Variants in CDH18 observed in about 807,000 individuals in gnomAD.
CDH18 encodes the protein cadherin-18.
Under a neutral mutation model 67.9 loss-of-function variants are expected in CDH18, and 31 were observed. That is an observed-to-expected ratio of 0.46 (90% CI 0.34 to 0.62). The LOEUF is 0.62. Ranked by LOEUF, CDH18 falls within the 20% of genes least tolerant of loss-of-function variation. CDH18 has a pLI of 0.01. For synonymous variants in CDH18, 362 were observed against 347.2 expected, an observed-to-expected ratio of 1.04 and a Z score of -0.48; for missense variants, 890 against 975.5, an observed-to-expected ratio of 0.91 and a Z score of 1.17.
intron 1 of CDH18, among the ~76,000 whole-genome samples, chr5:20,481,216 A>AAAG (rs1382198126): frequency 3.3e-5 from 5 of 152,064 alleles, no homozygotes; most frequent in African/African-American, 1.2e-4. Context: ...CCAAAAAAAA[A>AAAG]AAACATAAAA....
At chr5:20,538,769 T>A (rs1162364715) in intron 1 of CDH18, among the ~76,000 whole-genome samples, 9 of 152,102 alleles carry the variant, frequency 5.9e-5, no homozygotes, top group Non-Finnish European at 2.9e-5. Flanking sequence ...AGAAAAATAT[T>A]GCATGTTAGC....
chr5:20,101,091 A>G (rs919605380), intron 2 of CDH18, among the ~76,000 whole-genome samples: 5 of 151,784 alleles, frequency 3.3e-5, no homozygotes, highest in Admixed American at 1.3e-4. Flanking sequence ...GGCTGGGACT[A>G]CAGGTATGTA....
At chr5:20,536,465 T>C (rs1756729233) in intron 1 of CDH18, among the ~76,000 whole-genome samples, 1 of 152,162 alleles carries the variant, frequency 6.6e-6, no homozygotes, top group Admixed American at 6.6e-5. Context: ...GCTCAAATAA[T>C]GGATTTGCAC....
intron 2 of CDH18, among the ~76,000 whole-genome samples, chr5:20,080,891 C>G (rs1161724528): frequency 1.3e-5 from 2 of 152,074 alleles, no homozygotes; most frequent in Non-Finnish European, 2.9e-5. Context: ...GTAAATATAA[C>G]TCTTTCTACT....
At chr5:19,990,889 T>C (rs751690649), upstream of CDH18, among the ~76,000 whole-genome samples, 6 of 152,180 alleles carry the variant, frequency 3.9e-5, no homozygotes, top group South Asian at 2.1e-4. Flanking sequence ...ATGTCTAAGA[T>C]TACTTCAAAA....
intron 8 of CDH18, among the ~76,000 whole-genome samples, chr5:19,556,739 A>G (rs187989248): frequency 6.6e-6 from 1 of 152,296 alleles, no homozygotes; most frequent in African/African-American, 2.4e-5. Flanking sequence ...CAGCTTTCTT[A>G]GAGATCTAGA....
chr5:19,596,820 G>A (rs545678080), intron 6 of CDH18, among the ~76,000 whole-genome samples: 205 of 152,242 alleles, frequency 1.3e-3, no homozygotes, highest in Admixed American at 2.4e-3. Context: ...ATTAAACAAA[G>A]GAGTGCATTA....
At chr5:19,552,475 T>C (rs1411609968) in intron 8 of CDH18, among the ~76,000 whole-genome samples, 1 of 152,160 alleles carries the variant, frequency 6.6e-6, no homozygotes, top group African/African-American at 2.4e-5. Flanking sequence ...TACAAGCATA[T>C]GTGGTCAAAA....
At chr5:20,287,782 A>C (rs1746794978) in intron 1 of CDH18, among the ~76,000 whole-genome samples, 1 of 71,892 alleles carries the variant, frequency 1.4e-5, no homozygotes, top group Non-Finnish European at 3.7e-5. Context: ...ATGTGAAACA[A>C]ATCAACGTTG....
At chr5:19,534,913 A>G (rs1284898455) in intron 9 of CDH18, among the ~76,000 whole-genome samples, 1 of 152,168 alleles carries the variant, frequency 6.6e-6, no homozygotes, top group Non-Finnish European at 1.5e-5. Context: ...GACACTCAGC[A>G]GTCCTATGAA....
intron 5 of CDH18, among the ~76,000 whole-genome samples, chr5:19,650,567 G>A (rs1561542031): frequency 6.6e-6 from 1 of 151,962 alleles, no homozygotes; most frequent in Non-Finnish European, 1.5e-5. Flanking sequence ...CTCACACTTG[G>A]AAAAATCTGT....
At chr5:20,248,346 A>G (rs1397968131) in intron 2 of CDH18, among the ~76,000 whole-genome samples, 1 of 152,230 alleles carries the variant, frequency 6.6e-6, no homozygotes, top group East Asian at 1.9e-4. Flanking sequence ...GCATAATCAC[A>G]TTCTTTCTCA....
At chr5:20,348,927 T>G (rs2150054101) in intron 1 of CDH18, among the ~76,000 whole-genome samples, 1 of 152,322 alleles carries the variant, frequency 6.6e-6, no homozygotes, top group East Asian at 1.9e-4. Flanking sequence ...CCAGAAGCCA[T>G]AATTACTTTT....
intron 2 of CDH18, among the ~76,000 whole-genome samples, chr5:20,068,064 C>T (rs1473758443): frequency 6.6e-6 from 1 of 152,052 alleles, no homozygotes; most frequent in African/African-American, 2.4e-5. Context: ...TCCCAATACA[C>T]ACTTTCAACG....
At chr5:20,425,381 A>G (rs1748219994) in intron 1 of CDH18, among the ~76,000 whole-genome samples, 1 of 150,998 alleles carries the variant, frequency 6.6e-6, no homozygotes, top group South Asian at 2.1e-4. Flanking sequence ...AAAAAAATAA[A>G]TAAAAATAAG....
intron 1 of CDH18, among the ~76,000 whole-genome samples, chr5:20,524,450 A>AT (rs1402042443): frequency 6.6e-6 from 1 of 152,034 alleles, no homozygotes; most frequent in East Asian, 1.9e-4. Context: ...TTGACAGCAC[A>AT]TTTTTTCTAC....
intron 2 of CDH18, among the ~76,000 whole-genome samples, chr5:19,916,721 A>T (rs1056840551): frequency 5.3e-5 from 8 of 152,054 alleles, no homozygotes; most frequent in South Asian, 2.1e-4. Context: ...ATTCTTACAA[A>T]TTTTTTTTCT....
chr5:20,443,208 A>T (rs35414254), intron 1 of CDH18, among the ~76,000 whole-genome samples: 5,001 of 39,632 alleles, frequency 0.13, 265 homozygotes, highest in African/African-American at 0.2. Flanking sequence ...AGACTCCGTC[A>T]CAAAAAAAAA....
chr5:19,731,426 G>A (rs1561171660), intron 4 of CDH18, among the ~76,000 whole-genome samples: 1 of 152,070 alleles, frequency 6.6e-6, no homozygotes, highest in Non-Finnish European at 1.5e-5. Flanking sequence ...ACTCCAGCCT[G>A]GGTGACAGAG....
Sources: gnomAD v4.1 joint callset for allele counts (sites outside exome capture counted in the v4.1 genomes callset) on GRCh38, gnomAD v4.1.1 for gene constraint, MANE v1.5 for transcripts, NCBI Gene and HGNC (gene_info 2026-07-23, HGNC 2026-07-21) for gene names.